TMEM182: variants seen among roughly 807,000 people sequenced by gnomAD.
The protein encoded by TMEM182 is transmembrane protein 182.
Under a neutral mutation model 26.8 loss-of-function variants are expected in TMEM182, and 20 were observed. That is an observed-to-expected ratio of 0.75 (90% CI 0.53 to 1.09). TMEM182 has a LOEUF of 1.09. Among genes scored for constraint, TMEM182 ranks in the 50% least tolerant of loss-of-function variants. The pLI is 0.00. For missense variants in TMEM182, 277 were observed against 275.5 expected (o/e 1.01, Z -0.04); for synonymous variants, 109 against 102.2 (o/e 1.07, Z -0.40).
chr2:102,806,335 G>T (rs921279829), intron 4 of TMEM182, among the ~76,000 whole-genome samples: 7 of 152,246 alleles, frequency 4.6e-5, no homozygotes, highest in African/African-American at 1.7e-4. Flanking sequence ...TGGCTTGACT[G>T]GACACTCAAA....
At chr2:102,761,629 A>AT (rs1358559099), upstream of TMEM182, among the ~76,000 whole-genome samples, 4 of 152,264 alleles carry the variant, frequency 2.6e-5, no homozygotes, top group Non-Finnish European at 5.9e-5. Flanking sequence ...CCACAAAAAA[A>AT]GTCCAAAAGG....
Position 102,780,913 on chromosome 2 carries a change from T to G in TMEM182, c.331+16486T>G, listed in dbSNP as rs545270438. Among the ~76,000 whole-genome samples the G allele has an allele frequency of 3.3e-4, 51 of 152,368 alleles. 1 individual carries two copies. Among genetic ancestry groups the G allele is most frequent in the African/African-American group, 1.2e-3 (51 of 41,586 alleles). ...TTGGATGGGCATTTTGTTTGTTTTT[T>G]AATCTGTGACCATTGTTGATTCTGG... On this transcript the variant is annotated intron_variant, in intron 3 of 4. Transcript: ENST00000412401.
At chr2:102,791,266 T>C (rs150433377) in intron 3 of TMEM182, among the ~76,000 whole-genome samples, 1 of 152,328 alleles carries the variant, frequency 6.6e-6, no homozygotes, top group African/African-American at 2.4e-5. Flanking sequence ...AACAGAATAC[T>C]TCTCAAATAA....
At chr2:102,778,973 T>C (rs1188258124) in intron 3 of TMEM182, among the ~76,000 whole-genome samples, 1 of 152,136 alleles carries the variant, frequency 6.6e-6, no homozygotes, top group East Asian at 1.9e-4. Flanking sequence ...GTTATTTTGC[T>C]TTTGTTTAGA....
chr2:102,830,154 G>A (rs1312055958), intron 3 of TMEM182, among the ~76,000 whole-genome samples: 1 of 152,170 alleles, frequency 6.6e-6, no homozygotes, highest in Non-Finnish European at 1.5e-5. Context: ...TCACAGAGAT[G>A]TCTTACTGCT....
chr2:102,767,333 T>A (rs1416542728), intron 3 of TMEM182, among the ~76,000 whole-genome samples: 1 of 152,176 alleles, frequency 6.6e-6, no homozygotes, highest in African/African-American at 2.4e-5. Context: ...GTGGTCTAAT[T>A]CACAGAATTG....
rs936495026 is a variant in TMEM182, at chr2:102,815,059, A to G, written c.*91A>G. 3.5e-5 allele frequency: 52 copies of G among 1,506,086 alleles called. No homozygotes were observed. The highest frequency in any genetic ancestry group is 4.6e-5 in the Non-Finnish European group (52 of 1,131,876). 93.3% of individuals were successfully genotyped at this position (1,506,086 alleles called of 1,614,324 possible). On this transcript the variant is annotated 3_prime_UTR_variant, in exon 5 of 5. Coordinates refer to ENST00000412401, the MANE Select transcript of TMEM182 (RefSeq NM_144632.5). Reference sequence around the variant, plus strand: ...GTTTCATTGATCCCAGCATAAAGTTAGTAGATATAACTTTTTAGTTGCTAT... The same window carrying G: ...GTTTCATTGATCCCAGCATAAAGTTGGTAGATATAACTTTTTAGTTGCTAT...
At chr2:102,827,449 T>C (rs569909654) in intron 3 of TMEM182, among the ~76,000 whole-genome samples, 1 of 152,330 alleles carries the variant, frequency 6.6e-6, no homozygotes, top group South Asian at 2.1e-4. Context: ...CAAGGGTAGA[T>C]GCAGCATTTG....
intron 3 of TMEM182, among the ~76,000 whole-genome samples, chr2:102,777,131 A>G (rs1680951794): frequency 6.6e-6 from 1 of 151,978 alleles, no homozygotes; most frequent in African/African-American, 2.4e-5. Flanking sequence ...TCGTTCACAG[A>G]GCAGAAATTT....
chr2:102,789,463 C>T (rs1681542966), intron 3 of TMEM182, among the ~76,000 whole-genome samples: 1 of 152,090 alleles, frequency 6.6e-6, no homozygotes, highest in Non-Finnish European at 1.5e-5. Flanking sequence ...CTTAACAGAA[C>T]AAACTGGTTT....
At chr2:102,797,117 G>A (rs997980951) in intron 3 of TMEM182, among the ~76,000 whole-genome samples, 1 of 152,132 alleles carries the variant, frequency 6.6e-6, no homozygotes. Context: ...CTTACCAGCT[G>A]TTTCCATTAA....
chr2:102,828,273 T>G (rs867502929), intron 3 of TMEM182, among the ~76,000 whole-genome samples: 2 of 152,274 alleles, frequency 1.3e-5, no homozygotes, highest in Middle Eastern at 6.8e-3. Context: ...GGAGATCACA[T>G]GTAACCGAGT....
intron 3 of TMEM182, among the ~76,000 whole-genome samples, chr2:102,777,088 T>C (rs527759697): frequency 1.1e-4 from 17 of 152,092 alleles, no homozygotes; most frequent in Non-Finnish European, 1.9e-4. Flanking sequence ...ATTATCCCAG[T>C]TTGTGGCTTT....
downstream of TMEM182, among the ~76,000 whole-genome samples, chr2:102,818,745 CCTATCTAT>C (rs71378191): frequency 6.6e-4 from 90 of 136,512 alleles, no homozygotes; most frequent in South Asian, 5.5e-3. Context: ...TCTATTTAAT[CCTATCTAT>C]CTATCTATCT....
chr2:102,753,609 G>A (rs953591982), intron 1 of TMEM182, among the ~76,000 whole-genome samples: 2 of 152,156 alleles, frequency 1.3e-5, no homozygotes, highest in Admixed American at 6.5e-5. Context: ...GGGCTCAAAA[G>A]ATCCTCCTTC....
At chr2:102,817,734 G>A (rs1344093720), downstream of TMEM182, 19 of 981,662 alleles carry the variant, frequency 1.9e-5, no homozygotes, top group Non-Finnish European at 2.1e-5. Flanking sequence ...AATATATATG[G>A]GTGCATGTCT....
chr2:102,810,717 A>G (rs1338399180), intron 4 of TMEM182, among the ~76,000 whole-genome samples: 2 of 152,140 alleles, frequency 1.3e-5, no homozygotes, highest in African/African-American at 4.8e-5. Flanking sequence ...GAAATATTTT[A>G]TATATTTTCT....
rs936168119 is a variant in TMEM182, at chr2:102,801,513, A to T, written c.469+3513A>T. The stretch of plus-strand genomic sequence containing the variant: ...ATATGACCATTGCGGTGCAGCCCAG[A>T]TGGCTGTTATCTGGGTTTGCTCTAG... On this transcript the variant is annotated intron_variant, in intron 4 of 4. Transcript: ENST00000412401. Among the ~76,000 whole-genome samples the T allele has an allele frequency of 3.9e-5, 6 of 152,274 alleles. No individual in the cohort carries two copies. The South Asian group carries it at 1.2e-3, about 32-fold the overall frequency.
At chr2:102,830,973 G>C (rs1395953901) in intron 3 of TMEM182, among the ~76,000 whole-genome samples, 1 of 152,048 alleles carries the variant, frequency 6.6e-6, no homozygotes, top group Non-Finnish European at 1.5e-5. Flanking sequence ...GTCTTTCTGT[G>C]CCTGGCTTAT....
Sources: allele counts gnomAD v4.1 joint callset (sites outside exome capture counted in the v4.1 genomes callset), GRCh38; gene constraint gnomAD v4.1.1; transcripts MANE v1.5; gene names NCBI Gene and HGNC (gene_info 2026-07-23, HGNC 2026-07-21).